SLC39A11: variants seen among roughly 807,000 people sequenced by gnomAD.
SLC39A11 encodes zinc transporter ZIP11.
In SLC39A11, 33 loss-of-function variants were observed where a neutral mutation model predicts 36.1. The observed-to-expected ratio is 0.91, with a 90% CI of 0.69 to 1.22. SLC39A11 has a LOEUF of 1.22. Among genes scored for constraint, SLC39A11 ranks in the 50% most tolerant of loss-of-function variants. The probability of loss-of-function intolerance (pLI) is 0.00; values close to 1 mark genes in which losing one functional copy is unlikely to be tolerated. For missense variants in SLC39A11, 432 were observed against 430.3 expected (o/e 1.00, Z -0.03); for synonymous variants, 166 against 170.3 (o/e 0.97, Z 0.20).
At chr17:72,879,588 G>T (rs1047700238) in intron 5 of SLC39A11, among the ~76,000 whole-genome samples, 1 of 152,220 alleles carries the variant, frequency 6.6e-6, no homozygotes, top group Admixed American at 6.5e-5. Flanking sequence ...TGTCTGTTTT[G>T]CCGTAGTGTT....
At chr17:72,970,422 T>C (rs977177009) in intron 4 of SLC39A11, among the ~76,000 whole-genome samples, 1 of 152,180 alleles carries the variant, frequency 6.6e-6, no homozygotes, top group South Asian at 2.1e-4. Flanking sequence ...ACCAGCCACA[T>C]CACACCAACA....
chr17:72,899,394 GT>G (rs1018202909), intron 5 of SLC39A11, among the ~76,000 whole-genome samples: 6 of 152,150 alleles, frequency 3.9e-5, no homozygotes, highest in African/African-American at 1.2e-4. Flanking sequence ...TATTTACATT[GT>G]TTTTTTACCC....
chr17:72,687,092 A>G (rs543738011), intron 7 of SLC39A11, among the ~76,000 whole-genome samples: 1 of 152,302 alleles, frequency 6.6e-6, no homozygotes, highest in East Asian at 1.9e-4. Flanking sequence ...TGGTGGCACA[A>G]TCACAGCTAC....
At chr17:72,936,822 G>A (rs770630531) in intron 5 of SLC39A11, among the ~76,000 whole-genome samples, 2 of 152,138 alleles carry the variant, frequency 1.3e-5, no homozygotes, top group Non-Finnish European at 2.9e-5. Context: ...CATAAGGAAG[G>A]CGCGACCTAG....
chr17:72,911,018 T>A (rs2082963010), intron 5 of SLC39A11, among the ~76,000 whole-genome samples: 1 of 152,088 alleles, frequency 6.6e-6, no homozygotes, highest in Non-Finnish European at 1.5e-5. Flanking sequence ...GTGGGACTTC[T>A]ACTCACAACT....
chr17:72,800,298 C>G (rs9894706), intron 6 of SLC39A11, among the ~76,000 whole-genome samples: 94,786 of 145,548 alleles, frequency 0.65, 31,579 homozygotes, highest in Non-Finnish European at 0.74. Flanking sequence ...AGGAAACCTA[C>G]AATAATTTTT....
At chr17:72,781,549 G>A (rs554597537) in intron 6 of SLC39A11, among the ~76,000 whole-genome samples, 8 of 151,798 alleles carry the variant, frequency 5.3e-5, no homozygotes, top group Admixed American at 1.3e-4. Flanking sequence ...TCAGCCTCCC[G>A]AGTGGCTGGG....
intron 5 of SLC39A11, among the ~76,000 whole-genome samples, chr17:72,924,003 C>T (rs909716919): frequency 6.6e-6 from 1 of 151,718 alleles, no homozygotes; most frequent in East Asian, 1.9e-4. Flanking sequence ...AAAAATTACC[C>T]AGGCACAGTG....
rs376121481 is a variant in SLC39A11, at chr17:72,999,727, T to C, written c.306+31829A>G. ...TGGTTTTCTTTTATTTTAGCTATCC[T>C]GTATCTGTTTTTTTGTTTGTTTGTT... On this transcript the variant is annotated intron_variant, in intron 4 of 9. Coordinates refer to ENST00000255559, the MANE Select transcript of SLC39A11 (RefSeq NM_139177.4). 4.1e-4 allele frequency among the ~76,000 whole-genome samples: 63 copies of C among 152,274 alleles called. 2 individuals are homozygous for C. In the South Asian group the frequency reaches 0.012, roughly 29 times the overall value.
At chr17:72,860,386 T>C (rs528113747) in intron 5 of SLC39A11, among the ~76,000 whole-genome samples, 1 of 152,330 alleles carries the variant, frequency 6.6e-6, no homozygotes, top group East Asian at 1.9e-4. Context: ...GTTCATTCTG[T>C]GTGTGTATGT....
At position 72,659,280 on chromosome 17, in the gene SLC39A11, A is replaced by G. The variant is rs73995704; in HGVS notation, c.672-10012T>C. Among the ~76,000 whole-genome samples the G allele has an allele frequency of 3.6e-3, 543 of 152,340 alleles. 4 individuals are homozygous for G. The highest frequency in any genetic ancestry group is 0.013 in the African/African-American group (520 of 41,572). ...CTAAAGGCCATAAGATCTAGCACAG[A>G]GCATTAGGGGCGAGGATGATTTTGG... On this transcript the variant is annotated intron_variant, in intron 7 of 9. Transcript: ENST00000255559.
In SLC39A11 at chr17:72,956,093, T is replaced by C. The variant is rs1568018124; in HGVS notation, c.307-8218A>G. ...GCTCACTCCCTTTTAAGGTAAGATC[T>C]TTCCACCCTGAAGCCCACGATCCCT... On this transcript the variant is annotated intron_variant, in intron 4 of 9. Coordinates refer to ENST00000255559, the MANE Select transcript of SLC39A11 (RefSeq NM_139177.4). Among the ~76,000 whole-genome samples, 5 of 152,142 alleles carry C rather than the reference T, an allele frequency of 3.3e-5. 1 individual carries two copies. In the South Asian group the frequency reaches 1.0e-3, roughly 31 times the overall value.
chr17:72,984,439 T>C (rs2088565955), intron 4 of SLC39A11, among the ~76,000 whole-genome samples: 1 of 152,006 alleles, frequency 6.6e-6, no homozygotes, highest in East Asian at 1.9e-4. Flanking sequence ...TCCTTTCCCT[T>C]GGGTGTTGTG....
intron 4 of SLC39A11, among the ~76,000 whole-genome samples, chr17:72,973,644 G>A (rs933936820): frequency 7.2e-5 from 11 of 151,792 alleles, no homozygotes; most frequent in African/African-American, 2.7e-4. Context: ...CTGCAGCCTC[G>A]ACCTCTGGGG....
At chr17:72,852,944 C>A (rs151304996) in intron 5 of SLC39A11, among the ~76,000 whole-genome samples, 2 of 152,300 alleles carry the variant, frequency 1.3e-5, no homozygotes, top group South Asian at 2.1e-4. Flanking sequence ...TACAGGCCTG[C>A]ACTAGATGCT....
intron 5 of SLC39A11, among the ~76,000 whole-genome samples, chr17:72,929,504 G>C (rs1318129859): frequency 6.6e-6 from 1 of 152,162 alleles, no homozygotes; most frequent in Non-Finnish European, 1.5e-5. Context: ...AGGAAGGAGT[G>C]AGCAGCCACT....
intron 3 of SLC39A11, among the ~76,000 whole-genome samples, chr17:73,077,212 G>A (rs189197098): frequency 1.6e-4 from 24 of 152,296 alleles, no homozygotes; most frequent in African/African-American, 5.8e-4. Context: ...AAAATCCCCT[G>A]GGTTTGAGTC....
At chr17:72,980,714 C>G (rs912339750) in intron 4 of SLC39A11, among the ~76,000 whole-genome samples, 1 of 152,006 alleles carries the variant, frequency 6.6e-6, no homozygotes, top group Non-Finnish European at 1.5e-5. Context: ...AAGATTAAAG[C>G]GGCACCATAT....
chr17:72,896,230 C>T (rs2082023475), intron 5 of SLC39A11, among the ~76,000 whole-genome samples: 1 of 106,256 alleles, frequency 9.4e-6, no homozygotes, highest in Non-Finnish European at 1.7e-5. Context: ...GAGACAGAGT[C>T]TCGCTCTGTC....
Sources: gnomAD v4.1 joint callset for allele counts (sites outside exome capture counted in the v4.1 genomes callset) on GRCh38, gnomAD v4.1.1 for gene constraint, MANE v1.5 for transcripts, NCBI Gene and HGNC (gene_info 2026-07-23, HGNC 2026-07-21) for gene names.